Variants in CEMIP observed in about 807,000 individuals in gnomAD.
The protein encoded by CEMIP is cell migration inducing hyaluronidase 1, also known as cell migration-inducing and hyaluronan-binding protein.
CEMIP carries 105 observed loss-of-function variants against 156.9 expected under a neutral mutation model. The observed-to-expected ratio is 0.67, with a 90% CI of 0.57 to 0.79. The LOEUF (loss-of-function observed/expected upper bound fraction) is 0.79. CEMIP is among the 30% of genes least tolerant of loss of function. The pLI, the probability that CEMIP is intolerant of heterozygous loss-of-function variation, is 0.00. For missense variants in CEMIP, 1,457 were observed against 1,769.4 expected, an observed-to-expected ratio of 0.82 and a Z score of 3.17; for synonymous variants, 676 against 668.4, an observed-to-expected ratio of 1.01 and a Z score of -0.17.
At chr15:80,851,546 A>G (rs1897716686) in intron 1 of CEMIP, among the ~76,000 whole-genome samples, 1 of 152,216 alleles carries the variant, frequency 6.6e-6, no homozygotes, top group South Asian at 2.1e-4. Context: ...AGAGGTGGGA[A>G]ATAAGGAAGA....
chr15:80,943,386 T>A (rs966581775), intron 28 of CEMIP, among the ~76,000 whole-genome samples: 1 of 152,220 alleles, frequency 6.6e-6, no homozygotes. Context: ...ACTCCCAGCA[T>A]GATCTCATCC....
At position 80,880,884 on chromosome 15, in the gene CEMIP, C is replaced by T; in HGVS notation, c.381-16C>T. On this transcript the variant is annotated splice_polypyrimidine_tract_variant and intron_variant, in intron 5 of 29. Transcript: ENST00000394685. ...AGATGTGTCAGCCAACTCTGGGGAG[C>T]TGTTTTCTCTTGCAGGGCTGATGAA... 1 of 1,603,546 alleles carries T rather than the reference C, an allele frequency of 6.2e-7. No homozygotes were observed. Among genetic ancestry groups the T allele is most frequent in the Non-Finnish European group, 8.5e-7 (1 of 1,170,918 alleles).
intron 1 of CEMIP, among the ~76,000 whole-genome samples, chr15:80,785,303 ACCTGAAAAT>A (rs1485736220): frequency 6.6e-6 from 1 of 152,008 alleles, no homozygotes; most frequent in Non-Finnish European, 1.5e-5. Context: ...TCTTTTTTGA[ACCTGAAAAT>A]GAAATTAAGG....
In CEMIP at chr15:80,894,987, C is replaced by T; in HGVS notation, c.1087-3C>T. On this transcript the variant is annotated splice_polypyrimidine_tract_variant and splice_region_variant and intron_variant, in intron 10 of 29. Transcript: ENST00000394685. ...TGCTCTGTAATTTCTGTGTCATTCC[C>T]AGGCCACTACAATGGATGGAGTTAA... is the stretch of plus-strand genomic sequence containing the variant. 1.2e-6 allele frequency: 2 copies of T among 1,614,018 alleles called. No individual in the cohort carries two copies. The highest frequency in any genetic ancestry group is 1.7e-6 in the Non-Finnish European group (2 of 1,179,964).
In CEMIP at chr15:80,906,814, C is replaced by T. The variant is rs374056783; in HGVS notation, c.1563C>T (p.Phe521=). The T allele has an allele frequency of 1.6e-4, 256 of 1,613,810 alleles. No individual in the cohort carries two copies. The highest frequency in any genetic ancestry group is 2.1e-4 in the Non-Finnish European group (244 of 1,179,924). Reference sequence around the variant, plus strand: ...ACCACATCTGCAATTTCTTTGACTTCGATACCTTTGGGGGCCACATCAAGG... The same window carrying T: ...ACCACATCTGCAATTTCTTTGACTTTGATACCTTTGGGGGCCACATCAAGG... The part of the protein sequence containing the change: ...YRNHICNFFD[F]DTFGGHIKFA... The change falls in exon 13 of 30, where the codon TTC becomes TTT. Residue 521 remains phenylalanine (F), a synonymous_variant. Coordinates refer to ENST00000394685, the MANE Select transcript of CEMIP (RefSeq NM_001293298.2). This position sits in a 1 kb window ranked among gnomAD's most constrained non-coding sequence, Gnocchi z 4.3.
chr15:80,935,427 C>A (rs1464030915), intron 23 of CEMIP, among the ~76,000 whole-genome samples: 4 of 152,164 alleles, frequency 2.6e-5, no homozygotes, highest in African/African-American at 4.8e-5. Context: ...TTAGAGCTTG[C>A]CAGATTATCA....
intron 1 of CEMIP, among the ~76,000 whole-genome samples, chr15:80,790,417 A>G (rs1460690640): frequency 2.0e-5 from 3 of 152,216 alleles, no homozygotes; most frequent in African/African-American, 7.2e-5. Flanking sequence ...CATCAGCATC[A>G]TTAATATTCA....
chr15:80,894,741 C>A (rs1416693623), intron 10 of CEMIP, among the ~76,000 whole-genome samples: 3 of 152,158 alleles, frequency 2.0e-5, no homozygotes, highest in Admixed American at 6.5e-5. Flanking sequence ...AGCAGTAGAT[C>A]ACTGGTTTCG....
chr15:80,781,489 A>C (rs1895794711), intron 1 of CEMIP, among the ~76,000 whole-genome samples: 1 of 152,148 alleles, frequency 6.6e-6, no homozygotes, highest in South Asian at 2.1e-4. Context: ...CAAATTAAAG[A>C]TCTCCCTTCT....
At chr15:80,820,888 A>G (rs1896893714) in intron 1 of CEMIP, among the ~76,000 whole-genome samples, 1 of 152,246 alleles carries the variant, frequency 6.6e-6, no homozygotes, top group African/African-American at 2.4e-5. Context: ...TATGTTTTGA[A>G]TATTACTGTT....
chr15:80,876,507 C>T (rs905864377), intron 3 of CEMIP, among the ~76,000 whole-genome samples: 3 of 152,184 alleles, frequency 2.0e-5, no homozygotes, highest in Non-Finnish European at 2.9e-5. Context: ...GGTGAAACTC[C>T]AAAAAATGTG....
At chr15:80,924,553 T>TGACTGTGA in intron 17 of CEMIP, 68 bp from the exon 18 acceptor site, 1 of 1,375,970 alleles carries the variant, frequency 7.3e-7, no homozygotes, top group East Asian at 2.3e-5. Context: ...GCAGTGAGGC[T>TGACTGTGA]GACTGTGAGA....
At chr15:80,833,662 CT>C (rs1211563507) in intron 1 of CEMIP, among the ~76,000 whole-genome samples, 46 of 142,388 alleles carry the variant, frequency 3.2e-4, no homozygotes, top group Admixed American at 8.7e-4. Flanking sequence ...GCAGTACTGT[CT>C]TTTTTTTTTC....
At chr15:80,938,855 T>C (rs573557299) in intron 25 of CEMIP, among the ~76,000 whole-genome samples, 6 of 152,334 alleles carry the variant, frequency 3.9e-5, no homozygotes, top group African/African-American at 1.2e-4. Flanking sequence ...GCAACGTCGA[T>C]AGCAAACTGT....
intron 5 of CEMIP, among the ~76,000 whole-genome samples, chr15:80,880,687 C>T (rs967464591): frequency 5.3e-5 from 8 of 152,164 alleles, no homozygotes; most frequent in South Asian, 2.1e-4. Context: ...CTGCCTGTCT[C>T]GGCCTCTCAA....
intron 1 of CEMIP, chr15:80,842,208 A>G: frequency 5.8e-6 from 2 of 347,818 alleles, no homozygotes; most frequent in South Asian, 4.5e-5. Flanking sequence ...TCTTTTAAAC[A>G]GAGTGGTGGA....
In CEMIP at chr15:80,933,430, A is replaced by C. The variant is rs1901002101; in HGVS notation, c.2979A>C (p.Arg993Ser). 6.2e-7 allele frequency: 1 copy of C among 1,613,984 alleles called. No individual in the cohort carries two copies. The highest frequency in any genetic ancestry group is 8.5e-7 in the Non-Finnish European group (1 of 1,180,012). The change falls in exon 23 of 30, where the codon AGA (arginine) becomes AGC (serine). Residue 993 changes from arginine to serine, a missense_variant. Arg to Ser is a moderately radical substitution (Grantham distance 110). Transcript: ENST00000394685. ...HPDCINVPDW[R>S]GAICSGCYAQ... ...ACTGCATCAATGTTCCCGACTGGAG[A>C]GGGGCCATTTGCAGTGGGTGCTATG...
In CEMIP at chr15:80,876,016, G is replaced by A. The variant is rs574185978; in HGVS notation, c.94+2043G>A. Reference sequence around the variant, plus strand: ...ATGCAAACTCCTGCACTTGGAGAGTGAAAAGAACAGTCAGGATTGTCCTGG... The same window carrying A: ...ATGCAAACTCCTGCACTTGGAGAGTAAAAAGAACAGTCAGGATTGTCCTGG... On this transcript the variant is annotated intron_variant, in intron 3 of 29. Transcript: ENST00000394685. Among the ~76,000 whole-genome samples the A allele has an allele frequency of 4.9e-4, 74 of 152,394 alleles. 2 individuals are homozygous for A. Among genetic ancestry groups the A allele is most frequent in the African/African-American group, 1.8e-3 (74 of 41,602 alleles).
At chr15:80,846,501 C>T (rs1490693112) in intron 1 of CEMIP, among the ~76,000 whole-genome samples, 2 of 152,178 alleles carry the variant, frequency 1.3e-5, no homozygotes, top group East Asian at 3.9e-4. Flanking sequence ...TGTGCTTGGC[C>T]GTCTGGGTCA....
Sources: gnomAD v4.1 joint callset for allele counts (sites outside exome capture counted in the v4.1 genomes callset) on GRCh38, gnomAD v4.1.1 for gene constraint, Gnocchi (gnomAD v3.1) non-coding constraint, MANE v1.5 for transcripts, NCBI Gene and HGNC (gene_info 2026-07-23, HGNC 2026-07-21) for gene names.